The following CFAP99 variants were observed in gnomAD, a reference collection of about 807,000 sequenced individuals.
The protein encoded by CFAP99 is cilia and flagella associated protein 99.
A neutral mutation model predicts 82.7 loss-of-function variants in CFAP99; 84 were observed. The observed-to-expected ratio is 1.02, with a 90% CI of 0.85 to 1.22. The LOEUF is 1.22. Among genes scored for constraint, CFAP99 ranks in the 50% most tolerant of loss-of-function variants. The pLI, the probability that CFAP99 is intolerant of heterozygous loss-of-function variation, is 0.00. For missense variants in CFAP99, 1,059 were observed against 983.5 expected (o/e 1.08, Z -1.03); for synonymous variants, 456 against 429.5 (o/e 1.06, Z -0.76).
intron 4 of CFAP99, among the ~76,000 whole-genome samples, chr4:2,441,067 T>C (rs528710103): frequency 1.4e-4 from 20 of 147,054 alleles, no homozygotes; most frequent in African/African-American, 4.8e-4. Context: ...TAAATGATAA[T>C]AATAATAATA....
intron 2 of CFAP99, among the ~76,000 whole-genome samples, chr4:2,433,610 A>G (rs1198257840): frequency 1.3e-5 from 2 of 152,096 alleles, no homozygotes; most frequent in East Asian, 3.9e-4. Context: ...CCTCACTCAC[A>G]GGATGTCACT....
intron 1 of CFAP99, among the ~76,000 whole-genome samples, chr4:2,422,780 T>C (rs1733610634): frequency 1.3e-5 from 2 of 152,170 alleles, no homozygotes; most frequent in South Asian, 4.1e-4. Context: ...GAAAACTCAC[T>C]CTTTAACATT....
intron 1 of CFAP99, among the ~76,000 whole-genome samples, chr4:2,421,732 A>G (rs1733589917): frequency 6.6e-6 from 1 of 151,918 alleles, no homozygotes; most frequent in African/African-American, 2.4e-5. Context: ...TGAGAAAAAA[A>G]TCTTTAAACT....
intron 2 of CFAP99, chr4:2,426,829 T>A (rs943646399): frequency 4.0e-6 from 2 of 504,446 alleles, no homozygotes; most frequent in Non-Finnish European, 7.3e-6. Context: ...ACATCCACAC[T>A]GCGGTTCCAT....
intron 1 of CFAP99, among the ~76,000 whole-genome samples, chr4:2,424,157 G>C (rs541933969): frequency 1.3e-5 from 2 of 152,366 alleles, no homozygotes; most frequent in East Asian, 3.9e-4. Flanking sequence ...GGTGGCTCAC[G>C]CCTGTAATCC....
At position 2,457,133 on chromosome 4, in the gene CFAP99, G is replaced by A. The variant is rs1734455437; in HGVS notation, c.1162-1590G>A. 2.6e-5 allele frequency among the ~76,000 whole-genome samples: 4 copies of A among 151,728 alleles called. No individual in the cohort carries two copies. The South Asian group carries it at 8.3e-4, about 32-fold the overall frequency. On this transcript the variant is annotated intron_variant, in intron 11 of 14. Coordinates refer to ENST00000635017, the Ensembl canonical transcript of CFAP99. The stretch of plus-strand genomic sequence containing the variant: ...GGGCCTGGCTAGTTTTGTATTTTCT[G>A]TAGAGACGGGGTCTCACTATGTTGG...
chr4:2,436,342 C>G, intron 2 of CFAP99, among the ~76,000 whole-genome samples: 1 of 152,190 alleles, frequency 6.6e-6, no homozygotes, highest in South Asian at 2.1e-4. Flanking sequence ...CATTTGAAAA[C>G]CTTTATGGGT....
chr4:2,456,815 G>A (rs1017130682), intron 11 of CFAP99, among the ~76,000 whole-genome samples: 4 of 152,028 alleles, frequency 2.6e-5, no homozygotes, highest in Non-Finnish European at 5.9e-5. Context: ...CACCGCGCCC[G>A]GCCAATAACT....
chr4:2,439,866 C>T (rs1052667523), intron 4 of CFAP99, among the ~76,000 whole-genome samples: 9 of 151,346 alleles, frequency 5.9e-5, no homozygotes, highest in East Asian at 1.9e-4. Flanking sequence ...TTTTTTAAGA[C>T]GGGGTCTCGC....
rs772540675 is a variant in CFAP99, at chr4:2,436,990, C to T, written c.228C>T (p.Cys76=). The T allele has an allele frequency of 1.5e-4, 226 of 1,536,082 alleles. 4 individuals carry two copies. The highest frequency in any genetic ancestry group is 4.0e-5 in the Non-Finnish European group (46 of 1,146,868). Reference sequence around the variant, plus strand: ...TCTACGTGGAGGATGGCCGACTCTGCCTGCGGGTTGACCACAGCCGCTTCG... The same window carrying T: ...TCTACGTGGAGGATGGCCGACTCTGTCTGCGGGTTGACCACAGCCGCTTCG... The change falls in exon 3 of 15, where the codon TGC becomes TGT. Residue 76 remains cysteine, a synonymous_variant. Coordinates refer to ENST00000635017, the Ensembl canonical transcript of CFAP99.
chr4:2,459,875 C>A (rs766563225), intron 13 of CFAP99, among the ~76,000 whole-genome samples, 162 bp from the exon 14 acceptor site: 1 of 152,150 alleles, frequency 6.6e-6, no homozygotes. Flanking sequence ...TGTTGCAGAG[C>A]GGAGCCCAGG....
At chr4:2,426,735 C>T (rs949894784) in intron 2 of CFAP99, 149 bp downstream of exon 2, 6 of 622,736 alleles carry the variant, frequency 9.6e-6, no homozygotes, top group South Asian at 5.4e-5. Context: ...ACCTGCTCTT[C>T]GTATGGGGAG....
At chr4:2,450,370 G>C in intron 8 of CFAP99, 2 of 323,194 alleles carry the variant, frequency 6.2e-6, no homozygotes, top group South Asian at 3.1e-5. Flanking sequence ...CGACAGGAGA[G>C]ACTGTGCCTG....
At chr4:2,445,534 G>C (rs1476826767) in intron 6 of CFAP99, among the ~76,000 whole-genome samples, 1 of 152,174 alleles carries the variant, frequency 6.6e-6, no homozygotes, top group Non-Finnish European at 1.5e-5. Context: ...TCTACCCACT[G>C]TGGTCCTATA....
chr4:2,429,899 T>A (rs1733765324), intron 2 of CFAP99, among the ~76,000 whole-genome samples: 1 of 152,218 alleles, frequency 6.6e-6, no homozygotes, highest in Admixed American at 6.5e-5. Flanking sequence ...CCTTTTCAGA[T>A]GCTTTCAAAA....
chr4:2,433,929 G>C, intron 2 of CFAP99, among the ~76,000 whole-genome samples: 1 of 152,210 alleles, frequency 6.6e-6, no homozygotes, highest in Non-Finnish European at 1.5e-5. Context: ...CACTGGCCAC[G>C]GTGAGGAAGG....
intron 2 of CFAP99, 29 bp downstream of exon 2, chr4:2,426,615 C>A (rs1421572841): frequency 5.0e-6 from 7 of 1,398,590 alleles, no homozygotes; most frequent in Non-Finnish European, 6.8e-6. Context: ...TGCTGGGAGG[C>A]CACGCCAATG....
At chr4:2,453,869 G>A (rs1395090862) in intron 11 of CFAP99, among the ~76,000 whole-genome samples, 5 of 149,550 alleles carry the variant, frequency 3.3e-5, no homozygotes, top group Admixed American at 6.7e-5. Context: ...GCTGGAGTGC[G>A]GTGGTGTGAT....
At chr4:2,424,611 C>A (rs1274572350) in intron 1 of CFAP99, among the ~76,000 whole-genome samples, 1 of 152,208 alleles carries the variant, frequency 6.6e-6, no homozygotes, top group Non-Finnish European at 1.5e-5. Flanking sequence ...ACAGAACATG[C>A]CAGGTGCTCC....
Sources: allele counts gnomAD v4.1 joint callset (sites outside exome capture counted in the v4.1 genomes callset), GRCh38; gene constraint gnomAD v4.1.1; transcripts MANE v1.5; gene names NCBI Gene and HGNC (gene_info 2026-07-23, HGNC 2026-07-21).